MS4A4E: variants seen among roughly 807,000 people sequenced by gnomAD.
MS4A4E encodes the protein putative membrane-spanning 4-domains subfamily A member 4E.
A neutral mutation model predicts 13.3 loss-of-function variants in MS4A4E; 23 were observed. That is an observed-to-expected ratio of 1.73 (90% CI 1.25 to 2.45). The LOEUF is 2.45. Ranked by LOEUF, MS4A4E falls within the 30% of genes most tolerant of loss-of-function variation. The probability of loss-of-function intolerance (pLI) is 0.00; values close to 1 mark genes in which losing one functional copy is unlikely to be tolerated. For synonymous variants in MS4A4E, 36 were observed against 45.6 expected, an observed-to-expected ratio of 0.79 and a Z score of 0.85; for missense variants, 144 against 131.2, an observed-to-expected ratio of 1.10 and a Z score of -0.48.
At chr11:60,230,628 C>T (rs988980286) in intron 1 of MS4A4E, among the ~76,000 whole-genome samples, 1 of 152,192 alleles carries the variant, frequency 6.6e-6, no homozygotes, top group African/African-American at 2.4e-5. Context: ...ATTCTTGGCA[C>T]CACAAATTTA....
chr11:60,217,713 A>G (rs1486944746), intron 3 of MS4A4E, among the ~76,000 whole-genome samples: 1 of 152,208 alleles, frequency 6.6e-6, no homozygotes, highest in Non-Finnish European at 1.5e-5. Context: ...TAAAGATTTC[A>G]TGGACACTTA....
At chr11:60,214,902 C>A (rs2084171311) in intron 3 of MS4A4E, among the ~76,000 whole-genome samples, 1 of 151,904 alleles carries the variant, frequency 6.6e-6, no homozygotes, top group African/African-American at 2.4e-5. Context: ...CTTCCAAATT[C>A]CTGATAAGAA....
intron 1 of MS4A4E, among the ~76,000 whole-genome samples, chr11:60,235,538 G>T (rs1406369970): frequency 6.6e-6 from 1 of 152,198 alleles, no homozygotes; most frequent in Non-Finnish European, 1.5e-5. Context: ...TTGTAGGGTT[G>T]TGAAATAATC....
In MS4A4E at chr11:60,205,829, A is replaced by C. The variant is rs1183687029; in HGVS notation, c.484-9T>G. On this transcript the variant is annotated splice_polypyrimidine_tract_variant and intron_variant, in intron 6 of 8. Coordinates refer to ENST00000651255, the MANE Select transcript of MS4A4E (RefSeq NM_001393391.1). ...CTAATTTTATTTTTGCTCTGCAATA[A>C]AAAAGCAAATGTAATTAACAAACAT... Among the ~76,000 whole-genome samples, 1 of 152,244 alleles carries C rather than the reference A, an allele frequency of 6.6e-6. No individual in the cohort carries two copies. Among genetic ancestry groups the C allele is most frequent in the African/African-American group, 2.4e-5 (1 of 41,464 alleles).
intron 4 of MS4A4E, 50 bp downstream of exon 4, chr11:60,214,521 A>G (rs1206638984): frequency 2.3e-6 from 3 of 1,322,662 alleles, no homozygotes; most frequent in Non-Finnish European, 3.1e-6. Context: ...GGCAGAATAC[A>G]TTATTGATTA....
In MS4A4E at chr11:60,200,599, G is replaced by C. The variant is rs1435716472; in HGVS notation, c.*944C>G. On this transcript the variant is annotated 3_prime_UTR_variant, in exon 9 of 9. Coordinates refer to ENST00000651255, the MANE Select transcript of MS4A4E (RefSeq NM_001393391.1). The stretch of plus-strand genomic sequence containing the variant: ...ACAGCACATGTTTCAGAGAGCACAG[G>C]GTTGGGGGTAAGGTCACAGATCAAC... Among the ~76,000 whole-genome samples the C allele has an allele frequency of 6.6e-6, 1 of 152,106 alleles. No individual in the cohort carries two copies. Among genetic ancestry groups the C allele is most frequent in the African/African-American group, 2.4e-5 (1 of 41,410 alleles).
intron 4 of MS4A4E, among the ~76,000 whole-genome samples, chr11:60,214,053 C>T (rs919704463): frequency 8.5e-5 from 13 of 152,090 alleles, no homozygotes; most frequent in Non-Finnish European, 1.6e-4. Flanking sequence ...TACAGGCGCC[C>T]GTCACCACGC....
intron 3 of MS4A4E, among the ~76,000 whole-genome samples, chr11:60,219,478 C>T (rs1233128264): frequency 6.6e-6 from 1 of 152,126 alleles, no homozygotes; most frequent in African/African-American, 2.4e-5. Context: ...AGGAAGCTTA[C>T]CGAATTCTTA....
At chr11:60,221,428 C>T (rs945709057) in intron 3 of MS4A4E, among the ~76,000 whole-genome samples, 2 of 150,560 alleles carry the variant, frequency 1.3e-5, no homozygotes, top group African/African-American at 4.9e-5. Flanking sequence ...CACTGATGGT[C>T]TCATGGGGAG....
At chr11:60,221,482 G>C (rs900676628) in intron 3 of MS4A4E, among the ~76,000 whole-genome samples, 6 of 152,178 alleles carry the variant, frequency 3.9e-5, no homozygotes, top group African/African-American at 1.4e-4. Flanking sequence ...CAAGGGCCCT[G>C]TTTACAGATG....
intron 1 of MS4A4E, among the ~76,000 whole-genome samples, chr11:60,240,908 CTA>C (rs2084540249): frequency 6.6e-6 from 1 of 152,188 alleles, no homozygotes; most frequent in Non-Finnish European, 1.5e-5. Context: ...TTTAAGAAAT[CTA>C]TGTTATTTTC....
At chr11:60,216,111 G>A (rs1461960360) in intron 3 of MS4A4E, among the ~76,000 whole-genome samples, 2 of 152,128 alleles carry the variant, frequency 1.3e-5, no homozygotes, top group South Asian at 4.1e-4. Flanking sequence ...CACTTTGCAG[G>A]TGATGTTCGG....
At chr11:60,209,476 C>G (rs945847449) in intron 5 of MS4A4E, among the ~76,000 whole-genome samples, 2 of 152,158 alleles carry the variant, frequency 1.3e-5, no homozygotes, top group African/African-American at 4.8e-5. Flanking sequence ...CCCAGTGAGA[C>G]CCACTTTGAA....
chr11:60,242,935 G>T, intron 1 of MS4A4E, 23 bp downstream of exon 1: 1 of 1,542,904 alleles, frequency 6.5e-7, no homozygotes, highest in South Asian at 1.1e-5. Context: ...CGAGAGCCTA[G>T]GAAGGCAAGT....
chr11:60,233,244 C>T (rs1283656243), intron 1 of MS4A4E, among the ~76,000 whole-genome samples: 1 of 152,152 alleles, frequency 6.6e-6, no homozygotes, highest in Admixed American at 6.5e-5. Context: ...AGAGTTAACA[C>T]TATGTGGCAC....
intron 1 of MS4A4E, among the ~76,000 whole-genome samples, chr11:60,237,701 C>T (rs2084501079): frequency 6.6e-6 from 1 of 152,054 alleles, no homozygotes; most frequent in African/African-American, 2.4e-5. Context: ...CTCTAATGAT[C>T]AGTGATGTTG....
At chr11:60,217,437 TC>T (rs771287646) in intron 3 of MS4A4E, among the ~76,000 whole-genome samples, 75 of 152,094 alleles carry the variant, frequency 4.9e-4, no homozygotes, top group Non-Finnish European at 9.1e-4. Context: ...AAAAACAGCT[TC>T]CCCATCACCA....
At chr11:60,203,474 T>G (rs2084007975) in intron 8 of MS4A4E, among the ~76,000 whole-genome samples, 1 of 152,170 alleles carries the variant, frequency 6.6e-6, no homozygotes, top group South Asian at 2.1e-4. Flanking sequence ...CTTGGCCAGG[T>G]GCAGTGGCTC....
chr11:60,236,234 G>T (rs2084480800), intron 1 of MS4A4E, among the ~76,000 whole-genome samples: 1 of 152,184 alleles, frequency 6.6e-6, no homozygotes, highest in Non-Finnish European at 1.5e-5. Flanking sequence ...ATTGGAAAGT[G>T]TAAGTGCACC....
Sources: allele counts gnomAD v4.1 joint callset (sites outside exome capture counted in the v4.1 genomes callset), GRCh38; gene constraint gnomAD v4.1.1; transcripts MANE v1.5; gene names NCBI Gene and HGNC (gene_info 2026-07-23, HGNC 2026-07-21).